Variants in IFT74 observed in about 807,000 individuals in gnomAD.
IFT74 encodes intraflagellar transport 74, also known as intraflagellar transport protein 74 homolog.
Under a neutral mutation model 96.7 loss-of-function variants are expected in IFT74, and 92 were observed. The ratio of observed to expected loss-of-function variants is 0.95; its 90% CI spans 0.80 to 1.13. The LOEUF is 1.13. Ranked by LOEUF, IFT74 falls within the 50% of genes most tolerant of loss-of-function variation. IFT74 has a pLI of 0.00. For synonymous variants in IFT74, 223 were observed against 213.2 expected, an observed-to-expected ratio of 1.05 and a Z score of -0.40; for missense variants, 811 against 698.2, an observed-to-expected ratio of 1.16 and a Z score of -1.82.
intron 2 of IFT74, among the ~76,000 whole-genome samples, chr9:26,966,061 T>G (rs1173717258): frequency 1.3e-5 from 2 of 152,212 alleles, no homozygotes; most frequent in East Asian, 1.9e-4. Context: ...TACCACATTT[T>G]CTTTACGTAG....
intron 13 of IFT74, among the ~76,000 whole-genome samples, chr9:27,042,785 G>A (rs745402874): frequency 6.6e-6 from 1 of 152,116 alleles, no homozygotes; most frequent in African/African-American, 2.4e-5. Flanking sequence ...GGAAACATGG[G>A]CCATGGCAGG....
intron 13 of IFT74, among the ~76,000 whole-genome samples, chr9:27,033,975 G>T (rs2131658571): frequency 6.6e-6 from 1 of 152,188 alleles, no homozygotes; most frequent in Admixed American, 6.5e-5. Flanking sequence ...AGTTTTGACT[G>T]TTAGGCCTGA....
rs113674019 is a variant in IFT74 at position 26,982,881 on chromosome 9, C to T, written c.306-1376C>T. ...TGCTGGGATTACAGGCGTGAGCTGC[C>T]GCACTCGGCCTCATAAACTTTTGTT... On this transcript the variant is annotated intron_variant, in intron 4 of 19. Coordinates refer to ENST00000380062, the MANE Select transcript of IFT74 (RefSeq NM_025103.4). 6.0e-3 allele frequency among the ~76,000 whole-genome samples: 913 copies of T among 152,244 alleles called. 10 individuals carry two copies. The highest frequency in any genetic ancestry group is 0.02 in the African/African-American group (822 of 41,556).
intron 2 of IFT74, among the ~76,000 whole-genome samples, chr9:26,977,197 C>G (rs1009185895): frequency 6.6e-6 from 1 of 151,832 alleles, no homozygotes; most frequent in South Asian, 2.1e-4. Flanking sequence ...AGGCTGGCCT[C>G]GAACTCCTGG....
chr9:27,040,544 C>CAAAAAAAAAAAAAAAAAAAAAAAAAAAAA (rs751893169), intron 13 of IFT74, among the ~76,000 whole-genome samples: 4 of 62,074 alleles, frequency 6.4e-5, no homozygotes, highest in African/African-American at 1.7e-4. Flanking sequence ...GACACTGTCT[C>CAAAAAAAAAAAAAAAAAAAAAAAAAAAAA]AAAAAAAAAA....
intron 10 of IFT74, among the ~76,000 whole-genome samples, chr9:27,015,512 C>T (rs998470078): frequency 3.9e-5 from 6 of 152,100 alleles, no homozygotes; most frequent in Admixed American, 2.0e-4. Flanking sequence ...TGGCAGGCGC[C>T]TATAATCCCA....
At chr9:27,051,874 G>T (rs1403820410) in intron 16 of IFT74, among the ~76,000 whole-genome samples, 1 of 152,140 alleles carries the variant, frequency 6.6e-6, no homozygotes, top group Non-Finnish European at 1.5e-5. Flanking sequence ...GTGAACATGG[G>T]TGTGTAAGTA....
intron 16 of IFT74, among the ~76,000 whole-genome samples, chr9:27,053,972 T>C (rs1025540894): frequency 6.6e-6 from 1 of 152,238 alleles, no homozygotes; most frequent in Non-Finnish European, 1.5e-5. Flanking sequence ...AGTTTTGCTA[T>C]ATACATATTT....
rs138356766 is a variant in IFT74, at chr9:26,984,029, C to A, written c.306-228C>A. The A allele has an allele frequency of 5.1e-5, 15 of 296,496 alleles. No individual in the cohort carries two copies. The East Asian group carries it at 1.5e-3, about 29-fold the overall frequency. 18.4% of individuals were successfully genotyped at this position (296,496 alleles called of 1,614,324 possible). The stretch of plus-strand genomic sequence containing the variant: ...GAGCTCCTGACCTCACGTGATGCGC[C>A]TGCCTCGGCCTCCCAAAGTGTTGGG... On this transcript the variant is annotated intron_variant, in intron 4 of 19. Coordinates refer to ENST00000380062, the MANE Select transcript of IFT74 (RefSeq NM_025103.4).
At chr9:26,953,483 G>T (rs531500491), upstream of IFT74, among the ~76,000 whole-genome samples, 7 of 152,130 alleles carry the variant, frequency 4.6e-5, no homozygotes, top group African/African-American at 1.2e-4. Flanking sequence ...TGGAGTTACT[G>T]GGTCAAAGGA....
chr9:27,002,934 A>T (rs373112389), intron 8 of IFT74, among the ~76,000 whole-genome samples: 1 of 150,502 alleles, frequency 6.6e-6, no homozygotes, highest in Admixed American at 6.6e-5. Flanking sequence ...TTATATTTCC[A>T]TTTTTTTTTG....
intron 10 of IFT74, among the ~76,000 whole-genome samples, chr9:27,015,036 C>G (rs1829277771): frequency 6.6e-6 from 1 of 152,176 alleles, no homozygotes; most frequent in Non-Finnish European, 1.5e-5. Flanking sequence ...CATGCTTATT[C>G]AGTTCACAAG....
intron 10 of IFT74, among the ~76,000 whole-genome samples, chr9:27,014,801 G>A (rs140812589): frequency 3.9e-5 from 6 of 152,116 alleles, no homozygotes; most frequent in Non-Finnish European, 7.3e-5. Context: ...TAGAGACAGG[G>A]TTTCACTGTG....
chr9:27,018,670 A>G lies in IFT74; in HGVS notation c.957A>G (p.Ile319Met). Residue 319 changes from isoleucine to methionine, a missense_variant, in exon 12 of 20, where the codon ATA (isoleucine) becomes ATG (methionine). Physicochemically the swap from Ile to Met is conservative, Grantham distance 10 (BLOSUM62 1). Coordinates refer to ENST00000380062, the MANE Select transcript of IFT74 (RefSeq NM_025103.4). The part of the protein sequence containing the change: ...LKQIKDDNQE[I>M]ASMERQLTDT... ...AGATTAAAGATGATAATCAGGAAAT[A>G]GCCAGCATGGAAAGACAGTAAGTAT... The G allele has an allele frequency of 3.3e-6, 5 of 1,536,750 alleles. No homozygotes were observed. Among genetic ancestry groups the G allele is most frequent in the Non-Finnish European group, 4.5e-6 (5 of 1,122,140 alleles).
chr9:27,058,950 A>C (rs1012526621), intron 18 of IFT74, among the ~76,000 whole-genome samples: 1 of 152,210 alleles, frequency 6.6e-6, no homozygotes, highest in African/African-American at 2.4e-5. Flanking sequence ...GGGAAGAAAC[A>C]AGACAAAGTT....
At chr9:27,028,817 A>C (rs539895634) in intron 12 of IFT74, 1 of 410,690 alleles carries the variant, frequency 2.4e-6, no homozygotes, top group South Asian at 3.8e-5. Flanking sequence ...TATTGTCCTC[A>C]TAATAGGATA....
intron 4 of IFT74, among the ~76,000 whole-genome samples, chr9:26,982,615 C>G (rs933996237): frequency 6.6e-6 from 1 of 151,956 alleles, no homozygotes; most frequent in African/African-American, 2.4e-5. Context: ...ACCACCATGC[C>G]CAGCTAATTT....
chr9:26,950,201 A>G (rs1459243935), intron 1 of IFT74, among the ~76,000 whole-genome samples: 1 of 151,900 alleles, frequency 6.6e-6, no homozygotes, highest in Non-Finnish European at 1.5e-5. Flanking sequence ...AGTCCCAGCT[A>G]CTCAGGAGGC....
At chr9:27,055,121 C>A (rs535664343) in intron 16 of IFT74, among the ~76,000 whole-genome samples, 185 of 152,194 alleles carry the variant, frequency 1.2e-3, no homozygotes, top group Non-Finnish European at 1.7e-3. Flanking sequence ...CCTTTGGGAG[C>A]AATAGTTCAA....
Sources: gnomAD v4.1 joint callset for allele counts (sites outside exome capture counted in the v4.1 genomes callset) on GRCh38, gnomAD v4.1.1 for gene constraint, MANE v1.5 for transcripts, NCBI Gene and HGNC (gene_info 2026-07-23, HGNC 2026-07-21) for gene names.